Variants in ARHGEF38 observed in about 807,000 individuals in gnomAD.
ARHGEF38 encodes the protein Rho guanine nucleotide exchange factor 38, also known as Rho guanine nucleotide exchange factor (GEF) 38.
In ARHGEF38, 79 loss-of-function variants were observed where a neutral mutation model predicts 79.9. That is an observed-to-expected ratio of 0.99 (90% CI 0.82 to 1.19). The LOEUF (loss-of-function observed/expected upper bound fraction) is 1.19. Among genes scored for constraint, ARHGEF38 ranks in the 50% most tolerant of loss-of-function variants. The pLI, the probability that ARHGEF38 is intolerant of heterozygous loss-of-function variation, is 0.00. For missense variants in ARHGEF38, 962 were observed against 907.2 expected, an observed-to-expected ratio of 1.06 and a Z score of -0.78; for synonymous variants, 366 against 328.3, an observed-to-expected ratio of 1.11 and a Z score of -1.24.
chr4:105,555,462 AC>A (rs1725210209), intron 1 of ARHGEF38, among the ~76,000 whole-genome samples: 1 of 152,120 alleles, frequency 6.6e-6, no homozygotes, highest in Non-Finnish European at 1.5e-5. Context: ...CCTGTACGAT[AC>A]CCATTATTAT....
At position 105,667,586 on chromosome 4, in the gene ARHGEF38, T is replaced by C; in HGVS notation, c.2031T>C (p.Ser677=). ...TGTCTTCACGGCCAGCTAGTGACAG[T>C]GTCACAGGCACCTCAGAAAGCAGCA... The part of the protein sequence containing the change: ...LFVSSRPASD[S]VTGTSESSIG... Residue 677 remains serine (S), a synonymous_variant, in exon 13 of 14, where the codon AGT becomes AGC. Coordinates refer to ENST00000420470, the MANE Select transcript of ARHGEF38 (RefSeq NM_001242729.2). 3 of 1,536,714 alleles carry C rather than the reference T, an allele frequency of 2.0e-6. No homozygotes were observed. The highest frequency in any genetic ancestry group is 2.6e-6 in the Non-Finnish European group (3 of 1,147,042).
chr4:105,651,848 G>A (rs948045803), intron 7 of ARHGEF38, among the ~76,000 whole-genome samples: 3 of 152,174 alleles, frequency 2.0e-5, no homozygotes, highest in African/African-American at 4.8e-5. Context: ...GTCCTGAGAT[G>A]TGAATCCAGA....
chr4:105,575,033 CA>C (rs1459588231), intron 1 of ARHGEF38, among the ~76,000 whole-genome samples: 1 of 151,756 alleles, frequency 6.6e-6, no homozygotes, highest in Admixed American at 6.6e-5. Flanking sequence ...CACACACACA[CA>C]CACCATATTT....
At chr4:105,657,605 A>G (rs1578354566) in intron 9 of ARHGEF38, among the ~76,000 whole-genome samples, 1 of 152,150 alleles carries the variant, frequency 6.6e-6, no homozygotes, top group East Asian at 1.9e-4. Context: ...ATATATATAT[A>G]TATAATACTG....
At position 105,610,916 on chromosome 4, in the gene ARHGEF38, A is replaced by C. The variant is rs146747006; in HGVS notation, c.385-2468A>C. ...GGAGTGACAAATTGGTGAAAAACTCAGGAACAAACCAAAAAATCTAAACAG... is the reference window on the plus strand; with the variant it reads ...GGAGTGACAAATTGGTGAAAAACTCCGGAACAAACCAAAAAATCTAAACAG... On this transcript the variant is annotated intron_variant, in intron 2 of 13. Transcript: ENST00000420470. Among the ~76,000 whole-genome samples the C allele has an allele frequency of 6.2e-3, 944 of 152,196 alleles. 9 individuals carry two copies. The highest frequency in any genetic ancestry group is 0.022 in the African/African-American group (908 of 41,564).
intron 10 of ARHGEF38, among the ~76,000 whole-genome samples, chr4:105,660,380 T>C (rs910962025): frequency 3.9e-5 from 6 of 152,028 alleles, no homozygotes; most frequent in African/African-American, 1.4e-4. Context: ...ACTTGCTCTT[T>C]AACAATATAT....
chr4:105,558,624 T>G lies in ARHGEF38; in HGVS notation c.196+5663T>G, dbSNP rs532747293. On this transcript the variant is annotated intron_variant, in intron 1 of 13. Transcript: ENST00000420470. ...AAACACGGTATTTTACTTTCCTATT[T>G]TTTTCAGTAGAGACATCTTGCAGTT... 2.0e-5 allele frequency among the ~76,000 whole-genome samples: 3 copies of G among 152,094 alleles called. No individual in the cohort carries two copies. In the South Asian group the frequency reaches 6.3e-4, roughly 32 times the overall value.
chr4:105,614,066 A>G (rs1007485395), intron 3 of ARHGEF38, among the ~76,000 whole-genome samples: 22 of 152,010 alleles, frequency 1.4e-4, no homozygotes, highest in South Asian at 2.1e-4. Flanking sequence ...TTTTCTTACT[A>G]TGGTAGGATT....
chr4:105,602,608 G>A (rs1054934458), intron 2 of ARHGEF38, among the ~76,000 whole-genome samples: 1 of 152,074 alleles, frequency 6.6e-6, no homozygotes, highest in Non-Finnish European at 1.5e-5. Flanking sequence ...GGGAGAGCCT[G>A]CATTGACCCT....
intron 3 of ARHGEF38, among the ~76,000 whole-genome samples, chr4:105,617,343 A>T (rs1728550363): frequency 6.6e-6 from 1 of 152,188 alleles, no homozygotes; most frequent in African/African-American, 2.4e-5. Flanking sequence ...GTTGAAAATG[A>T]TTGGTGTATA....
chr4:105,580,573 TGAGA>T (rs138339440), intron 1 of ARHGEF38, among the ~76,000 whole-genome samples: 1,618 of 152,308 alleles, frequency 0.011, 27 homozygotes, highest in African/African-American at 0.037. Context: ...TACTATGGTC[TGAGA>T]GAGTGGTTGG....
chr4:105,680,207 T>C lies in ARHGEF38; in HGVS notation c.*2270T>C, dbSNP rs1283182926. On this transcript the variant is annotated 3_prime_UTR_variant, in exon 14 of 14. Coordinates refer to ENST00000420470, the MANE Select transcript of ARHGEF38 (RefSeq NM_001242729.2). ...GCCTTTCTTTTAGTGTTTTCCCTTT[T>C]CTTTTCCTTAAGTCACTAAAATCTG... 1 of 477,850 alleles carries C rather than the reference T, an allele frequency of 2.1e-6. No homozygotes were observed. The highest frequency in any genetic ancestry group is 2.0e-5 in the African/African-American group (1 of 50,690). 29.6% of individuals were successfully genotyped at this position (477,850 alleles called of 1,614,324 possible). A position where few individuals can be genotyped will look rare whatever the true frequency, so the allele number is the denominator to read the frequency against.
At chr4:105,601,551 C>T (rs1329596441) in intron 2 of ARHGEF38, among the ~76,000 whole-genome samples, 3 of 152,076 alleles carry the variant, frequency 2.0e-5, no homozygotes, top group Non-Finnish European at 4.4e-5. Context: ...GGGCTCATTT[C>T]CCACTGGGAG....
Position 105,668,251 on chromosome 4 carries a change from G to A in ARHGEF38, c.2148+548G>A, listed in dbSNP as rs112376094. Among the ~76,000 whole-genome samples the A allele has an allele frequency of 4.7e-3, 705 of 151,506 alleles. 5 individuals carry two copies. In the Middle Eastern group the frequency reaches 0.051, roughly 11 times the overall value. On this transcript the variant is annotated intron_variant, in intron 13 of 13. Coordinates refer to ENST00000420470, the MANE Select transcript of ARHGEF38 (RefSeq NM_001242729.2). ...GGCTGGAGTGCAGTGGCGCAATCTC[G>A]GCTCACTGCAACCTCCGCCTCCCAG...
intron 6 of ARHGEF38, among the ~76,000 whole-genome samples, chr4:105,647,888 A>ATTTTTT (rs769532644): frequency 3.3e-5 from 4 of 119,580 alleles, no homozygotes; most frequent in African/African-American, 6.4e-5. Context: ...TTTCTTTTCT[A>ATTTTTT]TTTTTTTTTT....
At chr4:105,624,765 G>A (rs971361157) in intron 3 of ARHGEF38, among the ~76,000 whole-genome samples, 8 of 152,200 alleles carry the variant, frequency 5.3e-5, no homozygotes, top group African/African-American at 1.9e-4. Context: ...TGGCAGCTGG[G>A]CTCCCATCCA....
At chr4:105,594,710 T>G (rs1012447279) in intron 2 of ARHGEF38, among the ~76,000 whole-genome samples, 2 of 152,224 alleles carry the variant, frequency 1.3e-5, no homozygotes, top group Non-Finnish European at 2.9e-5. Context: ...AGCCCTTGAC[T>G]GACAACTGTT....
intron 3 of ARHGEF38, 48 bp downstream of exon 3, chr4:105,613,555 T>G (rs750023919): frequency 6.3e-7 from 1 of 1,596,542 alleles, no homozygotes; most frequent in Non-Finnish European, 8.6e-7. Flanking sequence ...GGAAATAATT[T>G]TTTAATAACC....
chr4:105,659,465 C>A (rs1474526599), intron 10 of ARHGEF38, 100 bp downstream of exon 10: 3 of 1,142,438 alleles, frequency 2.6e-6, no homozygotes, highest in Admixed American at 5.4e-5. Context: ...CACATGTATG[C>A]CGTGTGGTGT....
Sources: gnomAD v4.1 joint callset for allele counts (sites outside exome capture counted in the v4.1 genomes callset) on GRCh38, gnomAD v4.1.1 for gene constraint, MANE v1.5 for transcripts, NCBI Gene and HGNC (gene_info 2026-07-23, HGNC 2026-07-21) for gene names.